The following ATG7 variants were observed in gnomAD, a reference collection of about 807,000 sequenced individuals.
ATG7 encodes ubiquitin-like modifier-activating enzyme ATG7.
ATG7 carries 70 observed loss-of-function variants against 82.4 expected under a neutral mutation model. The ratio of observed to expected loss-of-function variants is 0.85; its 90% CI spans 0.70 to 1.04. ATG7 has a LOEUF of 1.04. Ranked by LOEUF, ATG7 falls within the 50% of genes least tolerant of loss-of-function variation. The pLI is 0.00. For missense variants in ATG7, 792 were observed against 864.3 expected (o/e 0.92, Z 1.05); for synonymous variants, 287 against 313.0 (o/e 0.92, Z 0.88).
chr3:11,539,310 A>G (rs1344456470), intron 20 of ATG7, among the ~76,000 whole-genome samples: 3 of 152,210 alleles, frequency 2.0e-5, no homozygotes, highest in African/African-American at 7.2e-5. Flanking sequence ...AAATAGCCTG[A>G]GGTGACATAG....
At chr3:11,507,556 CAG>C (rs952209313) in intron 20 of ATG7, among the ~76,000 whole-genome samples, 1 of 152,154 alleles carries the variant, frequency 6.6e-6, no homozygotes, top group African/African-American at 2.4e-5. Context: ...CTGTTATTGA[CAG>C]AGTCATGGAC....
intron 6 of ATG7, 68 bp from the exon 7 acceptor site, chr3:11,308,916 C>G (rs1211408830): frequency 3.5e-6 from 5 of 1,430,672 alleles, no homozygotes; most frequent in Non-Finnish European, 4.9e-6. Flanking sequence ...CAGCTCCACA[C>G]TTCACCTGAG....
chr3:11,293,067 A>G (rs1945229637), intron 3 of ATG7, among the ~76,000 whole-genome samples: 1 of 152,212 alleles, frequency 6.6e-6, no homozygotes, highest in Non-Finnish European at 1.5e-5. Flanking sequence ...AATACAGAGA[A>G]AGGGGCAGAA....
chr3:11,538,851 G>GCAA lies in ATG7; in HGVS notation c.2080-15957_2080-15955dup, dbSNP rs1575244889. Among the ~76,000 whole-genome samples, 6 of 143,588 alleles carry GCAA rather than the reference G, an allele frequency of 4.2e-5. No individual in the cohort carries two copies. The East Asian group carries it at 1.2e-3, about 29-fold the overall frequency. 94.2% of individuals were successfully genotyped at this position (143,588 alleles called of 152,430 possible). On this transcript the variant is annotated intron_variant, in intron 20 of 20. Coordinates refer to ENST00000693202, the MANE Select transcript of ATG7 (RefSeq NM_001349232.2). The stretch of plus-strand genomic sequence containing the variant: ...GATTGTGCCACTGCACACATACTGG[G>GCAA]CAACAGAGTGAGACTCTTGTCTCAA...
At chr3:11,407,567 C>G (rs746307648) in intron 19 of ATG7, among the ~76,000 whole-genome samples, 30 of 152,230 alleles carry the variant, frequency 2.0e-4, no homozygotes, top group Non-Finnish European at 3.8e-4. Context: ...CAGAGGTTCT[C>G]CATGAGGACC....
At chr3:11,484,967 A>C (rs1332631195) in intron 20 of ATG7, among the ~76,000 whole-genome samples, 1 of 151,982 alleles carries the variant, frequency 6.6e-6, no homozygotes, top group African/African-American at 2.4e-5. Flanking sequence ...GGTTGGTTCC[A>C]AGTCTTTGCT....
chr3:11,292,940 C>T (rs1945205778), intron 3 of ATG7, among the ~76,000 whole-genome samples: 1 of 152,164 alleles, frequency 6.6e-6, no homozygotes, highest in Non-Finnish European at 1.5e-5. Flanking sequence ...TTCCAGAGGA[C>T]TGTTTAAGGT....
chr3:11,364,394 T>A (rs2076464103), intron 17 of ATG7, among the ~76,000 whole-genome samples: 1 of 152,214 alleles, frequency 6.6e-6, no homozygotes, highest in Non-Finnish European at 1.5e-5. Flanking sequence ...TCATTCCTAC[T>A]TTATAGATGA....
At chr3:11,474,338 C>T (rs1470557783) in intron 20 of ATG7, among the ~76,000 whole-genome samples, 1 of 152,240 alleles carries the variant, frequency 6.6e-6, no homozygotes, top group African/African-American at 2.4e-5. Context: ...GTGTTTCACA[C>T]CTGTAATCCC....
intron 20 of ATG7, among the ~76,000 whole-genome samples, chr3:11,474,537 T>C (rs1030707843): frequency 1.3e-5 from 2 of 152,056 alleles, no homozygotes; most frequent in Non-Finnish European, 2.9e-5. Context: ...GACTTGGAGG[T>C]TGCAGTGAGC....
chr3:11,563,255 G>A, the ATG7 span, among the ~76,000 whole-genome samples: 3 of 152,168 alleles, frequency 2.0e-5, no homozygotes, highest in Admixed American at 6.5e-5. Context: ...CTCCATACCC[G>A]TGTCCTTCAG....
intron 5 of ATG7, among the ~76,000 whole-genome samples, chr3:11,303,860 G>C (rs1947237096): frequency 1.3e-5 from 2 of 148,526 alleles, no homozygotes; most frequent in South Asian, 4.3e-4. Context: ...GGGTCACGAG[G>C]TCAGGGATCG....
At chr3:11,378,334 T>G (rs1479884498) in intron 18 of ATG7, among the ~76,000 whole-genome samples, 1 of 151,278 alleles carries the variant, frequency 6.6e-6, no homozygotes, top group Non-Finnish European at 1.5e-5. Flanking sequence ...TAAAATGTCT[T>G]TATCAATATG....
At chr3:11,291,824 A>G (rs1186999638) in intron 3 of ATG7, among the ~76,000 whole-genome samples, 2 of 152,232 alleles carry the variant, frequency 1.3e-5, no homozygotes, top group Non-Finnish European at 2.9e-5. Context: ...GATGAGAAGT[A>G]CTTTTCCTGG....
rs1954826989 is a variant in ATG7, at chr3:11,348,006, G to A, written c.1255G>A (p.Asp419Asn). Reference protein sequence around the residue: ...GGKPKALAAADRLQKIFPGVN... With the variant: ...GGKPKALAAANRLQKIFPGVN... ...TAAGCCCAAGGCTCTGGCAGCAGCG[G>A]ACCGGCTCCAGAAAATATTCCCCGG... The change falls in exon 14 of 21, where the codon GAC becomes AAC. Residue 419 changes from aspartate to asparagine, a missense_variant. Coordinates refer to ENST00000693202, the MANE Select transcript of ATG7 (RefSeq NM_001349232.2). 1.2e-6 allele frequency: 2 copies of A among 1,613,964 alleles called. No individual in the cohort carries two copies. Among genetic ancestry groups the A allele is most frequent in the Non-Finnish European group, 1.7e-6 (2 of 1,179,866 alleles).
intron 10 of ATG7, 58 bp downstream of exon 10, chr3:11,331,486 A>T: frequency 7.5e-7 from 1 of 1,337,574 alleles, no homozygotes; most frequent in South Asian, 1.2e-5. Context: ...TATGTTTTAC[A>T]ATGTGTCTGT....
At chr3:11,366,173 C>T (rs1312759895) in intron 18 of ATG7, among the ~76,000 whole-genome samples, 1 of 148,420 alleles carries the variant, frequency 6.7e-6, no homozygotes, top group African/African-American at 2.5e-5. Context: ...GAGCTAAGAT[C>T]GCGCCATTGC....
At chr3:11,418,136 A>G (rs2081566273) in intron 19 of ATG7, among the ~76,000 whole-genome samples, 1 of 144,752 alleles carries the variant, frequency 6.9e-6, no homozygotes, top group Non-Finnish European at 1.5e-5. Flanking sequence ...GTAGGGTCTC[A>G]CTCTGTTGTC....
chr3:11,307,867 CG>C (rs1948010001), intron 6 of ATG7, among the ~76,000 whole-genome samples: 1 of 152,176 alleles, frequency 6.6e-6, no homozygotes, highest in African/African-American at 2.4e-5. Flanking sequence ...TCACATCCCT[CG>C]GGATGGACGC....
Sources: gnomAD v4.1 joint callset for allele counts (sites outside exome capture counted in the v4.1 genomes callset) on GRCh38, gnomAD v4.1.1 for gene constraint, MANE v1.5 for transcripts, NCBI Gene and HGNC (gene_info 2026-07-23, HGNC 2026-07-21) for gene names.